The following PPP1R42 variants were observed in gnomAD, a reference collection of about 807,000 sequenced individuals.
PPP1R42 encodes protein phosphatase 1 regulatory subunit 42, also known as leucine rich repeat containing 67.
Under a neutral mutation model 31.0 loss-of-function variants are expected in PPP1R42, and 34 were observed. That is an observed-to-expected ratio of 1.10 (90% CI 0.83 to 1.46). PPP1R42 has a LOEUF of 1.46. PPP1R42 is among the 40% of genes most tolerant of loss of function. The probability of loss-of-function intolerance (pLI) is 0.00; values close to 1 mark genes in which losing one functional copy is unlikely to be tolerated. For synonymous variants in PPP1R42, 103 were observed against 109.8 expected (o/e 0.94, Z 0.39); for missense variants, 268 against 303.0 (o/e 0.88, Z 0.86).
intron 7 of PPP1R42, chr8:66,970,758 C>T (rs868760138): frequency 1.1e-5 from 6 of 525,284 alleles, no homozygotes; most frequent in South Asian, 1.5e-5. Flanking sequence ...TCCAGTCTAA[C>T]GCCGAAGTCT....
At chr8:66,981,996 G>C in intron 7 of PPP1R42, 53 bp downstream of exon 7, 1 of 1,293,570 alleles carries the variant, frequency 7.7e-7, no homozygotes, top group Non-Finnish European at 9.8e-7. Context: ...TTGTTGCCTA[G>C]AATATTTCCT....
chr8:66,964,203 C>A lies in PPP1R42; in HGVS notation c.*118G>T. ...AGGTTAAAAACAAAATCAAACGTTT[C>A]CTGTCACTTGAGGCTGAATTTACTC... On this transcript the variant is annotated 3_prime_UTR_variant, in exon 8 of 8. Coordinates refer to ENST00000685739, the MANE Select transcript of PPP1R42 (RefSeq NM_001364910.1). 1.6e-6 allele frequency: 1 copy of A among 629,996 alleles called. No individual in the cohort carries two copies. The highest frequency in any genetic ancestry group is 2.6e-6 in the Non-Finnish European group (1 of 387,516). 39.0% of individuals were successfully genotyped at this position (629,996 alleles called of 1,614,324 possible).
Position 66,996,352 on chromosome 8 carries a change from A to G in PPP1R42, c.553-7835T>C, listed in dbSNP as rs146081916. 1.9e-3 allele frequency among the ~76,000 whole-genome samples: 286 copies of G among 152,338 alleles called. 2 individuals carry two copies. The highest frequency in any genetic ancestry group is 6.2e-3 in the African/African-American group (258 of 41,570). On this transcript the variant is annotated intron_variant, in intron 5 of 7. Coordinates refer to ENST00000685739, the MANE Select transcript of PPP1R42 (RefSeq NM_001364910.1). ...CAGATGTGAGCCACTGCACCTGGCC[A>G]AGTTTCAGTGACTATATTATTAAGC...
intron 5 of PPP1R42, among the ~76,000 whole-genome samples, chr8:67,009,805 G>A (rs1815791026): frequency 1.3e-5 from 2 of 152,198 alleles, no homozygotes; most frequent in Admixed American, 6.5e-5. Context: ...GCTTTGGGAT[G>A]AACCAGGTAA....
At position 67,010,754 on chromosome 8, in the gene PPP1R42, A is replaced by G. The variant is rs756882995; in HGVS notation, c.513T>C (p.Asn171=). 4 of 1,608,444 alleles carry G rather than the reference A, an allele frequency of 2.5e-6. No homozygotes were observed. The highest frequency in any genetic ancestry group is 1.7e-5 in the Admixed American group (1 of 59,618). ...GTTGGTTGTCAACGGCTATGAGCTG[A>G]TTAAGATTCTCTAGTAGTTCTAAGT... ...ITDLELLENL[N]QLIAVDNQLL... is the part of the protein sequence containing the mutation. Residue 171 remains asparagine, a synonymous_variant, in exon 5 of 8, where the codon AAT becomes AAC. Transcript: ENST00000685739.
intron 7 of PPP1R42, among the ~76,000 whole-genome samples, chr8:66,967,619 T>G (rs1355315542): frequency 6.6e-6 from 1 of 152,214 alleles, no homozygotes; most frequent in Non-Finnish European, 1.5e-5. Flanking sequence ...TCGAGTTCAC[T>G]TTTTAATTCA....
chr8:66,999,757 C>CCCA (rs1815431088), intron 5 of PPP1R42, among the ~76,000 whole-genome samples: 1 of 151,984 alleles, frequency 6.6e-6, no homozygotes, highest in Non-Finnish European at 1.5e-5. Flanking sequence ...GTTCTCTTTG[C>CCCA]GGTGAGGTTT....
chr8:67,010,577 G>A lies in PPP1R42; in HGVS notation c.552+138C>T, dbSNP rs533596525. 1.4e-5 allele frequency: 9 copies of A among 655,456 alleles called. No homozygotes were observed. In the East Asian group the frequency reaches 2.5e-4, roughly 18 times the overall value. 40.6% of individuals were successfully genotyped at this position (655,456 alleles called of 1,614,324 possible). A position where few individuals can be genotyped will look rare whatever the true frequency, so the allele number is the denominator to read the frequency against. ...ATTATACACATAAATACATTGAGAA[G>A]TAGGGATTCATTAGCTAATTTTAGA... On this transcript the variant is annotated intron_variant, in intron 5 of 7. Transcript: ENST00000685739.
chr8:66,994,618 A>T (rs1815285387), intron 5 of PPP1R42, among the ~76,000 whole-genome samples: 1 of 152,190 alleles, frequency 6.6e-6, no homozygotes, highest in Non-Finnish European at 1.5e-5. Context: ...CTACAAGAAG[A>T]CAATTTGTAG....
intron 1 of PPP1R42, among the ~76,000 whole-genome samples, chr8:67,025,275 G>A (rs537310383): frequency 4.6e-5 from 7 of 151,294 alleles, no homozygotes; most frequent in Non-Finnish European, 8.8e-5. Flanking sequence ...TTAATAAGGA[G>A]GTTTTTCTTT....
intron 6 of PPP1R42, chr8:66,984,636 A>C: frequency 7.4e-7 from 1 of 1,349,598 alleles, no homozygotes; most frequent in Non-Finnish European, 1.1e-6. Context: ...TAAGCTTTTA[A>C]ATTTTCTTGA....
intron 7 of PPP1R42, among the ~76,000 whole-genome samples, chr8:66,969,844 A>G (rs1814493510): frequency 6.6e-6 from 1 of 152,194 alleles, no homozygotes; most frequent in Non-Finnish European, 1.5e-5. Flanking sequence ...TGCGATCACT[A>G]ATCTTATTTG....
intron 5 of PPP1R42, among the ~76,000 whole-genome samples, chr8:67,009,315 C>G: frequency 6.6e-6 from 1 of 151,958 alleles, no homozygotes; most frequent in Non-Finnish European, 1.5e-5. Flanking sequence ...CACCTGTAAT[C>G]CCAGCACTTT....
intron 7 of PPP1R42, among the ~76,000 whole-genome samples, chr8:66,980,881 C>T (rs963908390): frequency 5.9e-5 from 9 of 151,560 alleles, no homozygotes; most frequent in African/African-American, 1.7e-4. Context: ...CTTGTTCTGT[C>T]GCCCAGGCTG....
chr8:66,964,327 A>G lies in PPP1R42; in HGVS notation c.810T>C (p.Ser270=). Residue 270 remains serine (S), a synonymous_variant, in exon 8 of 8, where the codon TCT becomes TCC. Coordinates refer to ENST00000685739, the MANE Select transcript of PPP1R42 (RefSeq NM_001364910.1). ...AGCAAGCTTTCAGATTGCTTCAAAG[A>G]GAGATTCCTGTATTTATAGAGAGGG... is the stretch of plus-strand genomic sequence containing the variant. The part of the protein sequence containing the change: ...EDASNSLIRI[S]L The G allele has an allele frequency of 1.6e-6, 2 of 1,270,068 alleles. No homozygotes were observed. The highest frequency in any genetic ancestry group is 2.0e-6 in the Non-Finnish European group (2 of 982,396). 78.7% of individuals were successfully genotyped at this position (1,270,068 alleles called of 1,614,324 possible). A position where few individuals can be genotyped will look rare whatever the true frequency, so the allele number is the denominator to read the frequency against.
rs368521236 is a variant in PPP1R42 at position 66,981,598 on chromosome 8, C to T, written c.802+451G>A. ...GTTTCATCATGTTGGCCAGGATGGT[C>T]TTGAACTCCTGACCTCAGGTGATCC... On this transcript the variant is annotated intron_variant, in intron 7 of 7. Coordinates refer to ENST00000685739, the MANE Select transcript of PPP1R42 (RefSeq NM_001364910.1). 2.6e-5 allele frequency among the ~76,000 whole-genome samples: 4 copies of T among 152,030 alleles called. No individual in the cohort carries two copies. The East Asian group carries it at 5.8e-4, about 22-fold the overall frequency.
At chr8:67,004,644 T>A (rs1222009272) in intron 5 of PPP1R42, among the ~76,000 whole-genome samples, 1 of 152,230 alleles carries the variant, frequency 6.6e-6, no homozygotes, top group African/African-American at 2.4e-5. Context: ...GGTTATGGAA[T>A]CTTTTTCATT....
chr8:66,987,389 T>G (rs1815056076), intron 6 of PPP1R42, among the ~76,000 whole-genome samples: 1 of 151,240 alleles, frequency 6.6e-6, no homozygotes, highest in African/African-American at 2.4e-5. Context: ...CCTACCAGTT[T>G]CAAGCGATTC....
intron 6 of PPP1R42, among the ~76,000 whole-genome samples, chr8:66,986,686 C>T (rs1362482381): frequency 6.6e-6 from 1 of 152,208 alleles, no homozygotes; most frequent in East Asian, 1.9e-4. Flanking sequence ...CTTCCTGAAG[C>T]GGAAATTAGG....
Sources: gnomAD v4.1 joint callset for allele counts (sites outside exome capture counted in the v4.1 genomes callset) on GRCh38, gnomAD v4.1.1 for gene constraint, MANE v1.5 for transcripts, NCBI Gene and HGNC (gene_info 2026-07-23, HGNC 2026-07-21) for gene names.